ADAMTS17: variants seen among roughly 807,000 people sequenced by gnomAD.
ADAMTS17 encodes A disintegrin and metalloproteinase with thrombospondin motifs 17.
ADAMTS17 carries 113 observed loss-of-function variants against 141.5 expected under a neutral mutation model. The ratio of observed to expected loss-of-function variants is 0.80; its 90% CI spans 0.69 to 0.93. The LOEUF (loss-of-function observed/expected upper bound fraction) is 0.93. Ranked by LOEUF, ADAMTS17 falls within the 40% of genes least tolerant of loss-of-function variation. ADAMTS17 has a pLI of 0.00. For synonymous variants in ADAMTS17, 768 were observed against 630.6 expected, an observed-to-expected ratio of 1.22 and a Z score of -3.27; for missense variants, 1,659 against 1,517.9, an observed-to-expected ratio of 1.09 and a Z score of -1.54.
intron 7 of ADAMTS17, among the ~76,000 whole-genome samples, chr15:100,244,261 G>T (rs904763905): frequency 6.6e-6 from 1 of 151,372 alleles, no homozygotes; most frequent in Non-Finnish European, 1.5e-5. Flanking sequence ...TGACACGTGG[G>T]AATTATTGGA....
intron 7 of ADAMTS17, among the ~76,000 whole-genome samples, chr15:100,242,247 T>C (rs1409374549): frequency 6.6e-6 from 1 of 152,186 alleles, no homozygotes; most frequent in African/African-American, 2.4e-5. Context: ...CTTTACACCG[T>C]GAGTCCAGCG....
intron 7 of ADAMTS17, among the ~76,000 whole-genome samples, chr15:100,237,131 G>A (rs570248027): frequency 6.6e-6 from 1 of 152,258 alleles, no homozygotes; most frequent in East Asian, 1.9e-4. Flanking sequence ...TGTCGGGCCA[G>A]CCAGGTTCCT....
chr15:100,140,336 T>C lies in ADAMTS17; in HGVS notation c.1474-7021A>G, dbSNP rs142742195. On this transcript the variant is annotated intron_variant, in intron 10 of 21. Coordinates refer to ENST00000268070, the MANE Select transcript of ADAMTS17 (RefSeq NM_139057.4). ...ATAACAGGAAGTTGGCTGAAAGGCATATAGTATTTTTTGTAAGTTTTAAGA... is the reference window on the plus strand; with the variant it reads ...ATAACAGGAAGTTGGCTGAAAGGCACATAGTATTTTTTGTAAGTTTTAAGA... Among the ~76,000 whole-genome samples the C allele has an allele frequency of 4.1e-3, 622 of 152,136 alleles. 1 individual carries two copies. The highest frequency in any genetic ancestry group is 6.6e-3 in the Non-Finnish European group (446 of 67,992).
chr15:100,069,116 T>C (rs994080096), intron 15 of ADAMTS17, among the ~76,000 whole-genome samples: 2 of 152,128 alleles, frequency 1.3e-5, no homozygotes, highest in Admixed American at 6.5e-5. Flanking sequence ...CAGTAGCTGA[T>C]TCGGTCAACT....
chr15:100,100,041 C>A (rs780671675), intron 14 of ADAMTS17, among the ~76,000 whole-genome samples: 1 of 152,174 alleles, frequency 6.6e-6, no homozygotes, highest in African/African-American at 2.4e-5. Flanking sequence ...TGCTCTACAG[C>A]GTCCGCTGTG....
At chr15:99,975,862 C>T (rs1270931142) in intron 21 of ADAMTS17, among the ~76,000 whole-genome samples, 183 bp downstream of exon 21, 1 of 113,844 alleles carries the variant, frequency 8.8e-6, no homozygotes, top group Non-Finnish European at 1.9e-5. Context: ...AACACCACTT[C>T]CATAACAAGG....
intron 15 of ADAMTS17, among the ~76,000 whole-genome samples, chr15:100,070,734 T>C (rs1012277003): frequency 1.3e-5 from 2 of 149,264 alleles, no homozygotes; most frequent in Non-Finnish European, 3.0e-5. Flanking sequence ...CTGGGACACA[T>C]TTAAAGCAGT....
intron 11 of ADAMTS17, among the ~76,000 whole-genome samples, chr15:100,132,626 T>C (rs1374404898): frequency 6.6e-6 from 1 of 152,206 alleles, no homozygotes; most frequent in Non-Finnish European, 1.5e-5. Flanking sequence ...TAAAACAATT[T>C]CTCAAAGTGC....
chr15:100,149,488 A>T (rs1391174116), intron 10 of ADAMTS17, among the ~76,000 whole-genome samples: 1 of 151,688 alleles, frequency 6.6e-6, no homozygotes. Flanking sequence ...GTCCTGATTC[A>T]TCCTGGTCAC....
chr15:100,274,609 A>G (rs1419184253), intron 4 of ADAMTS17, among the ~76,000 whole-genome samples: 1 of 152,214 alleles, frequency 6.6e-6, no homozygotes, highest in African/African-American at 2.4e-5. Flanking sequence ...GATTTAAAAA[A>G]CAAATTCATT....
intron 18 of ADAMTS17, among the ~76,000 whole-genome samples, chr15:100,014,425 T>C (rs1477442109): frequency 6.6e-6 from 1 of 152,200 alleles, no homozygotes; most frequent in East Asian, 1.9e-4. Flanking sequence ...TGTTCTTGTT[T>C]CTCTAGTTCC....
chr15:100,054,572 T>TC (rs1252650291), intron 15 of ADAMTS17, among the ~76,000 whole-genome samples: 4 of 152,146 alleles, frequency 2.6e-5, no homozygotes, highest in Non-Finnish European at 5.9e-5. Context: ...GGATCTGATA[T>TC]CCCCCCATTA....
At chr15:100,161,971 G>A (rs1221671372) in intron 8 of ADAMTS17, among the ~76,000 whole-genome samples, 2 of 152,126 alleles carry the variant, frequency 1.3e-5, no homozygotes, top group Non-Finnish European at 2.9e-5. Flanking sequence ...GAGTAGACTG[G>A]GGGTCGCCAT....
intron 8 of ADAMTS17, among the ~76,000 whole-genome samples, chr15:100,157,239 T>C (rs1378168142): frequency 6.6e-6 from 1 of 152,160 alleles, no homozygotes; most frequent in Non-Finnish European, 1.5e-5. Context: ...GAGATTTGGG[T>C]GGGGACACAG....
intron 4 of ADAMTS17, among the ~76,000 whole-genome samples, chr15:100,280,776 C>T (rs775220294): frequency 3.3e-5 from 5 of 152,194 alleles, no homozygotes; most frequent in African/African-American, 4.8e-5. Context: ...CATAGACAGA[C>T]GTGGGCATCC....
At chr15:100,241,106 G>A (rs116692227) in intron 7 of ADAMTS17, among the ~76,000 whole-genome samples, 7,878 of 152,254 alleles carry the variant, frequency 0.052, 459 homozygotes, top group African/African-American at 0.14. Context: ...TTACAGAAGT[G>A]AGCCCCTACA....
chr15:100,012,741 A>G (rs985086253), intron 18 of ADAMTS17, among the ~76,000 whole-genome samples: 2 of 152,188 alleles, frequency 1.3e-5, no homozygotes, highest in African/African-American at 4.8e-5. Context: ...CCATTGATCT[A>G]TGTGCCTATT....
chr15:100,308,903 T>C (rs943137578), intron 3 of ADAMTS17, among the ~76,000 whole-genome samples: 3 of 152,194 alleles, frequency 2.0e-5, no homozygotes, highest in Admixed American at 2.0e-4. Flanking sequence ...CAACCATCAA[T>C]CCCTGTTCCT....
chr15:100,086,475 T>G (rs1049824323), intron 15 of ADAMTS17, among the ~76,000 whole-genome samples: 2 of 152,058 alleles, frequency 1.3e-5, no homozygotes, highest in African/African-American at 4.8e-5. Context: ...GGAATTGAAC[T>G]CAGCTCTGCA....
Sources: gnomAD v4.1 joint callset for allele counts (sites outside exome capture counted in the v4.1 genomes callset) on GRCh38, gnomAD v4.1.1 for gene constraint, MANE v1.5 for transcripts, NCBI Gene and HGNC (gene_info 2026-07-23, HGNC 2026-07-21) for gene names.